The following GZMH variants were observed in gnomAD, a reference collection of about 807,000 sequenced individuals.
GZMH encodes the protein cathepsin G-like 2, protein h-CCPX.
A neutral mutation model predicts 20.7 loss-of-function variants in GZMH; 24 were observed. The ratio of observed to expected loss-of-function variants is 1.16; its 90% CI spans 0.84 to 1.63. GZMH has a LOEUF of 1.63. Ranked by LOEUF, GZMH falls within the 40% of genes most tolerant of loss-of-function variation. GZMH has a pLI of 0.00. For missense variants in GZMH, 344 were observed against 302.7 expected, an observed-to-expected ratio of 1.14 and a Z score of -1.01; for synonymous variants, 119 against 116.1, an observed-to-expected ratio of 1.02 and a Z score of -0.16.
intron 1 of GZMH, 109 bp downstream of exon 1, chr14:24,609,450 G>A (rs1033906836): frequency 7.3e-5 from 46 of 630,488 alleles, no homozygotes; most frequent in Admixed American, 4.1e-4. Context: ...AAGTCTGGGT[G>A]TGGAATGGGA....
Position 24,607,306 on chromosome 14 carries a change from C to T in GZMH, c.440G>A (p.Trp147Ter). The T allele has an allele frequency of 6.2e-7, 1 of 1,614,006 alleles. No homozygotes were observed. The highest frequency in any genetic ancestry group is 8.5e-7 in the Non-Finnish European group (1 of 1,179,986). ...TAAAGTGCTCATTGAGACATAACCC[C>T]AGCCAGCCACACTGCACAGCTGCCC... The part of the protein sequence containing the change: ...KPGQLCSVAG[W>*]GYVSMSTLAT... The change falls in exon 4 of 5, where the codon TGG (tryptophan) becomes TAG (stop). Residue 147 changes from tryptophan to a stop codon, truncating the protein, a stop_gained. Coordinates refer to ENST00000216338, the MANE Select transcript of GZMH (RefSeq NM_033423.5). LOFTEE classifies it high-confidence loss of function.
chr14:24,607,399 C>T lies in GZMH; in HGVS notation c.347G>A (p.Arg116Lys). The T allele has an allele frequency of 6.3e-7, 1 of 1,594,184 alleles. No individual in the cohort carries two copies. The highest frequency in any genetic ancestry group is 8.6e-7 in the Non-Finnish European group (1 of 1,166,604). Residue 116 changes from arginine (R) to lysine (K), a missense_variant, in exon 4 of 5, where the codon AGA (arginine) becomes AAA (lysine). Coordinates refer to ENST00000216338, the MANE Select transcript of GZMH (RefSeq NM_033423.5). ...SNDIMLLQLE[R>K]KAKWTTAVRP... ...CACAGCTGTGGTCCACTTGGCCTTT[C>T]TCTCCAGCTGGTGGGGAAGAAGCAA...
intron 3 of GZMH, 82 bp from the exon 4 acceptor site, chr14:24,607,488 C>A: frequency 6.3e-7 from 1 of 1,585,126 alleles, no homozygotes; most frequent in Non-Finnish European, 8.6e-7. Flanking sequence ...CACAATCTTC[C>A]CTCTCCTCTA....
Position 24,606,483 on chromosome 14 carries a change from T to G in GZMH, c.*120A>C. The G allele has an allele frequency of 1.2e-6, 1 of 834,380 alleles. No individual in the cohort carries two copies. Among genetic ancestry groups the G allele is most frequent in the Non-Finnish European group, 1.9e-6 (1 of 515,922 alleles). The allele number at this position is 834,380 out of a possible 1,614,324, so 51.7% of individuals were successfully genotyped here. ...CAGTGAATAAATAAGACTTCAGTCA[T>G]ATTTACACCAGAGATCCATTTATTA... On this transcript the variant is annotated 3_prime_UTR_variant, in exon 5 of 5. Coordinates refer to ENST00000216338, the MANE Select transcript of GZMH (RefSeq NM_033423.5).
chr14:24,608,194 C>G lies in GZMH; in HGVS notation c.203+71G>C, dbSNP rs182922039. The G allele has an allele frequency of 3.8e-4, 587 of 1,530,054 alleles. 3 individuals are homozygous for G. In the Middle Eastern group the frequency reaches 4.0e-3, roughly 10 times the overall value. 94.8% of individuals were successfully genotyped at this position (1,530,054 alleles called of 1,614,324 possible). On this transcript the variant is annotated intron_variant, in intron 2 of 4. Transcript: ENST00000216338. ...CAGGAACTCTGGAAGCTCCCCTGGG[C>G]TGCAGTCCCCAGGAGAAAACAAGGG...
chr14:24,607,671 G>T lies in GZMH; in HGVS notation c.280C>A (p.Pro94Thr), dbSNP rs140193391. The T allele has an allele frequency of 8.6e-6, 13 of 1,506,862 alleles. No individual in the cohort carries two copies. In the East Asian group the frequency reaches 3.0e-4, roughly 35 times the overall value. 93.3% of individuals were successfully genotyped at this position (1,506,862 alleles called of 1,614,324 possible). ...RTQQFIPVKR[P>T]IPHPAYNPKN... ...GGATTATAGGCTGGATGGGGGATGG[G>T]TCTTTTCACAGGGATAAACTGCTGG... The change falls in exon 3 of 5, where the codon CCC becomes ACC. Residue 94 changes from proline (P) to threonine (T), a missense_variant. Transcript: ENST00000216338.
Position 24,606,583 on chromosome 14 carries a change from G to A in GZMH, c.*20C>T, listed in dbSNP as rs369721879. ...CCAGAGATGGTCAGGCCCAGAGGAA[G>A]GTTAGTCTCATGCCTGCTGTTAGAG... On this transcript the variant is annotated 3_prime_UTR_variant, in exon 5 of 5. Transcript: ENST00000216338. 3 of 1,609,316 alleles carry A rather than the reference G, an allele frequency of 1.9e-6. No homozygotes were observed. Among genetic ancestry groups the A allele is most frequent in the African/African-American group, 2.7e-5 (2 of 74,602 alleles).
chr14:24,607,827 G>A, intron 2 of GZMH, 80 bp from the exon 3 acceptor site: 1 of 1,603,362 alleles, frequency 6.2e-7, no homozygotes, highest in South Asian at 1.1e-5. Flanking sequence ...GATGACAGCT[G>A]TGGCAGGGTA....
At chr14:24,608,234 A>G (rs1338886772) in intron 2 of GZMH, 31 bp downstream of exon 2, 1 of 1,613,042 alleles carries the variant, frequency 6.2e-7, no homozygotes, top group South Asian at 1.1e-5. Context: ...TGTAGGGGGA[A>G]CTCAGGAGGT....
chr14:24,606,704 C>G lies in GZMH; in HGVS notation c.640G>C (p.Gly214Arg), dbSNP rs530463772. 5 of 1,613,884 alleles carry G rather than the reference C, an allele frequency of 3.1e-6. No homozygotes were observed. In the Admixed American group the frequency reaches 8.3e-5, roughly 27 times the overall value. ...GPLVCKDVAQ[G>R]ILSYGNKKGT... ...TTTTTGTTTCCATAGGAGAGAATAC[C>G]TTGGGCTACGTCCTTACACACGAGG... Residue 214 changes from glycine to arginine, a missense_variant, in exon 5 of 5, where the codon GGT (glycine) becomes CGT (arginine). Transcript: ENST00000216338.
chr14:24,606,955 T>G (rs561391483), intron 4 of GZMH, among the ~76,000 whole-genome samples, 194 bp downstream of exon 4: 3 of 152,308 alleles, frequency 2.0e-5, no homozygotes, highest in Non-Finnish European at 4.4e-5. Flanking sequence ...GATAAGTGAC[T>G]GTCGGATGAC....
At chr14:24,607,820 G>A (rs773618037) in intron 2 of GZMH, 73 bp from the exon 3 acceptor site, 11 of 1,607,018 alleles carry the variant, frequency 6.8e-6, no homozygotes, top group Non-Finnish European at 8.5e-6. Context: ...AAGAGCAGAT[G>A]ACAGCTGTGG....
chr14:24,607,884 T>C, intron 2 of GZMH, 137 bp from the exon 3 acceptor site: 1 of 1,231,094 alleles, frequency 8.1e-7, no homozygotes, highest in South Asian at 1.4e-5. Flanking sequence ...GCTCCAGGGC[T>C]GAGTGACTGT....
intron 3 of GZMH, 55 bp downstream of exon 3, chr14:24,607,557 T>A (rs1341764870): frequency 3.1e-6 from 5 of 1,611,350 alleles, no homozygotes; most frequent in Non-Finnish European, 3.4e-6. Flanking sequence ...GGCATCCCAG[T>A]GGGAGTGGAA....
Position 24,608,275 on chromosome 14 carries a change from A to G in GZMH, c.193T>C (p.Cys65Arg). 1 of 1,614,160 alleles carries G rather than the reference A, an allele frequency of 6.2e-7. No homozygotes were observed. The highest frequency in any genetic ancestry group is 8.5e-7 in the Non-Finnish European group (1 of 1,180,002). Residue 65 changes from cysteine to arginine, a missense_variant, in exon 2 of 5, where the codon TGC becomes CGC. Transcript: ENST00000216338. ...RKDFVLTAAH[C>R]QGSSINVTLG... Reference sequence around the variant, plus strand: ...GGTGCTGCTCCTTACCTTCCCTGGCAGTGAGCAGCTGTCAGCACAAAGTCC... The same window carrying G: ...GGTGCTGCTCCTTACCTTCCCTGGCGGTGAGCAGCTGTCAGCACAAAGTCC...
rs1003927680 is a variant in GZMH at position 24,606,562 on chromosome 14, A to G, written c.*41T>C. On this transcript the variant is annotated 3_prime_UTR_variant, in exon 5 of 5. Transcript: ENST00000216338. ...TTGGGGATTCTTGCCTCTGTCCCAGAGATGGTCAGGCCCAGAGGAAGGTTA... is the reference window on the plus strand; with the variant it reads ...TTGGGGATTCTTGCCTCTGTCCCAGGGATGGTCAGGCCCAGAGGAAGGTTA... 3 of 1,592,560 alleles carry G rather than the reference A, an allele frequency of 1.9e-6. No individual in the cohort carries two copies. Among genetic ancestry groups the G allele is most frequent in the Non-Finnish European group, 1.7e-6 (2 of 1,170,500 alleles).
At chr14:24,606,886 G>T in intron 4 of GZMH, 140 bp from the exon 5 acceptor site, 1 of 819,264 alleles carries the variant, frequency 1.2e-6, no homozygotes, top group Non-Finnish European at 2.0e-6. Flanking sequence ...GGCCCTGGCT[G>T]TGCTTTCTGG....
intron 1 of GZMH, among the ~76,000 whole-genome samples, chr14:24,608,728 C>A (rs1490476001): frequency 1.3e-5 from 2 of 152,228 alleles, no homozygotes; most frequent in East Asian, 3.8e-4. Flanking sequence ...TCCCAGGCTC[C>A]TCCTTTTTAG....
chr14:24,606,713 C>A lies in GZMH; in HGVS notation c.631G>T (p.Val211Leu). Reference sequence around the variant, plus strand: ...CCATAGGAGAGAATACCTTGGGCTACGTCCTTACACACGAGGGGCCCCCCG... The same window carrying A: ...CCATAGGAGAGAATACCTTGGGCTAAGTCCTTACACACGAGGGGCCCCCCG... ...DSGGPLVCKD[V>L]AQGILSYGNK... The change falls in exon 5 of 5, where the codon GTA becomes TTA. Residue 211 changes from valine (V) to leucine (L), a missense_variant. By Grantham distance (32) the Val-to-Leu change is conservative. Coordinates refer to ENST00000216338, the MANE Select transcript of GZMH (RefSeq NM_033423.5). 1 of 1,613,816 alleles carries A rather than the reference C, an allele frequency of 6.2e-7. No individual in the cohort carries two copies.
Sources: gnomAD v4.1 joint callset for allele counts (sites outside exome capture counted in the v4.1 genomes callset) on GRCh38, gnomAD v4.1.1 for gene constraint, MANE v1.5 for transcripts, NCBI Gene and HGNC (gene_info 2026-07-23, HGNC 2026-07-21) for gene names.